LRP1B: variants seen among roughly 807,000 people sequenced by gnomAD.
LRP1B encodes the protein LDL receptor related protein 1B.
Under a neutral mutation model 556.6 loss-of-function variants are expected in LRP1B, and 217 were observed. The ratio of observed to expected loss-of-function variants is 0.39; its 90% confidence interval spans 0.35 to 0.44. The LOEUF (loss-of-function observed/expected upper bound fraction) is 0.44. Ranked by LOEUF, LRP1B falls within the 20% of genes least tolerant of loss-of-function variation. The probability of loss-of-function intolerance (pLI) is 1.00; values close to 1 mark genes in which losing one functional copy is unlikely to be tolerated. For missense variants in LRP1B, 5,053 were observed against 5,620.8 expected, an observed-to-expected ratio of 0.90 and a Z score of 3.23; for synonymous variants, 2,047 against 1,865.8, an observed-to-expected ratio of 1.10 and a Z score of -2.50.
chr2:140,996,383 G>A (rs112334371), intron 15 of LRP1B, among the ~76,000 whole-genome samples: 4,017 of 152,068 alleles, frequency 0.026, 75 homozygotes, highest in South Asian at 0.034. Flanking sequence ...GTGCCAAGTC[G>A]TAATCCAGAT....
intron 25 of LRP1B, among the ~76,000 whole-genome samples, chr2:140,876,229 CT>C (rs1693300920): frequency 6.6e-6 from 1 of 152,054 alleles, no homozygotes; most frequent in African/African-American, 2.4e-5. Context: ...ATTGCTAATC[CT>C]TTTTTTCTTT....
At chr2:140,341,900 G>A (rs1336605839) in intron 77 of LRP1B, among the ~76,000 whole-genome samples, 2 of 151,278 alleles carry the variant, frequency 1.3e-5, no homozygotes, top group Non-Finnish European at 3.0e-5. Context: ...GGTCTGGGGT[G>A]GATAGACAAA....
intron 2 of LRP1B, among the ~76,000 whole-genome samples, chr2:141,488,217 C>T (rs1683189116): frequency 6.6e-6 from 1 of 151,896 alleles, no homozygotes; most frequent in South Asian, 2.1e-4. Flanking sequence ...TATTGGGTAG[C>T]ATAATGTAGC....
At chr2:140,687,832 C>A (rs1455458995) in intron 41 of LRP1B, among the ~76,000 whole-genome samples, 6 of 152,064 alleles carry the variant, frequency 3.9e-5, no homozygotes, top group Non-Finnish European at 8.8e-5. Context: ...AAATTATAAT[C>A]ATCTTTCAAG....
At chr2:140,559,662 T>TG (rs1680859441) in intron 43 of LRP1B, among the ~76,000 whole-genome samples, 1 of 151,740 alleles carries the variant, frequency 6.6e-6, no homozygotes, top group Non-Finnish European at 1.5e-5. Context: ...AATGGCCATA[T>TG]GGGGGGACAT....
chr2:140,510,497 TATC>T (rs755543703), intron 51 of LRP1B, among the ~76,000 whole-genome samples: 5 of 152,170 alleles, frequency 3.3e-5, no homozygotes, highest in Non-Finnish European at 5.9e-5. Context: ...ATAGAACTAT[TATC>T]AGTATCATTT....
At chr2:140,266,363 A>G (rs1002353845) in intron 86 of LRP1B, among the ~76,000 whole-genome samples, 2 of 151,970 alleles carry the variant, frequency 1.3e-5, no homozygotes, top group Non-Finnish European at 2.9e-5. Context: ...TACTCCTTTG[A>G]TTTGTAGGAA....
chr2:140,967,381 A>G (rs1696262085), intron 18 of LRP1B, among the ~76,000 whole-genome samples: 1 of 151,482 alleles, frequency 6.6e-6, no homozygotes, highest in Non-Finnish European at 1.5e-5. Flanking sequence ...ATTTTTGTAC[A>G]TTGATTTTGT....
chr2:141,921,131 C>T (rs1440865234), intron 1 of LRP1B, among the ~76,000 whole-genome samples: 2 of 151,944 alleles, frequency 1.3e-5, no homozygotes, highest in Non-Finnish European at 2.9e-5. Flanking sequence ...TAATCAGTTT[C>T]AAATTTAATA....
chr2:141,766,074 T>G (rs910850011), intron 2 of LRP1B, among the ~76,000 whole-genome samples: 2 of 152,234 alleles, frequency 1.3e-5, no homozygotes, highest in Non-Finnish European at 2.9e-5. Flanking sequence ...TTGATTTCTT[T>G]TTTACATTTA....
intron 62 of LRP1B, 148 bp from the exon 63 acceptor site, chr2:140,450,809 A>G: frequency 1.7e-6 from 1 of 600,510 alleles, no homozygotes; most frequent in Non-Finnish European, 2.9e-6. Context: ...TAGGAACTAA[A>G]TACACAAAAA....
chr2:141,529,407 G>C (rs1470473810), intron 2 of LRP1B, among the ~76,000 whole-genome samples: 1 of 152,176 alleles, frequency 6.6e-6, no homozygotes, highest in East Asian at 1.9e-4. Flanking sequence ...ATTAAGAAGA[G>C]AGAACAGCAG....
chr2:140,242,863 A>C (rs1306240412), intron 87 of LRP1B, among the ~76,000 whole-genome samples: 2 of 151,156 alleles, frequency 1.3e-5, no homozygotes, highest in Non-Finnish European at 3.0e-5. Flanking sequence ...CAATTGTACT[A>C]TTTTTTTCTT....
intron 2 of LRP1B, among the ~76,000 whole-genome samples, chr2:141,655,011 T>C (rs1283335335): frequency 6.6e-6 from 1 of 152,190 alleles, no homozygotes; most frequent in African/African-American, 2.4e-5. Context: ...GAAGCTAGAT[T>C]GGAGCTAACC....
intron 7 of LRP1B, among the ~76,000 whole-genome samples, chr2:141,122,209 A>C (rs1418986038): frequency 1.3e-5 from 2 of 152,174 alleles, no homozygotes; most frequent in Admixed American, 6.5e-5. Context: ...TTCATGTCTA[A>C]AACACAAAAA....
intron 83 of LRP1B, among the ~76,000 whole-genome samples, chr2:140,314,221 A>G (rs554821598): frequency 6.6e-6 from 1 of 152,010 alleles, no homozygotes; most frequent in Non-Finnish European, 1.5e-5. Flanking sequence ...TAGTTGCATA[A>G]TATCCCTTGC....
intron 1 of LRP1B, among the ~76,000 whole-genome samples, chr2:142,057,760 G>A (rs1010756259): frequency 6.6e-6 from 1 of 152,010 alleles, no homozygotes; most frequent in Admixed American, 6.6e-5. Context: ...TGTGTCTCTC[G>A]CCTTAAACCT....
chr2:140,933,645 T>G (rs1301821899), intron 20 of LRP1B, among the ~76,000 whole-genome samples: 1 of 152,110 alleles, frequency 6.6e-6, no homozygotes, highest in African/African-American at 2.4e-5. Context: ...TACTCTGATG[T>G]CAAAGTGCAT....
At chr2:141,021,867 G>C (rs554432374) in intron 11 of LRP1B, among the ~76,000 whole-genome samples, 25 of 152,018 alleles carry the variant, frequency 1.6e-4, no homozygotes, top group African/African-American at 5.5e-4. Context: ...GCTATTAATA[G>C]CTACTGCATG....
Sources: allele counts gnomAD v4.1 joint callset (sites outside exome capture counted in the v4.1 genomes callset), GRCh38; gene constraint gnomAD v4.1.1; transcripts MANE v1.5; gene names NCBI Gene and HGNC (gene_info 2026-07-23, HGNC 2026-07-21).